CENPN: variants seen among roughly 807,000 people sequenced by gnomAD.
CENPN encodes centromere protein N.
In CENPN, 36 loss-of-function variants were observed where a neutral mutation model predicts 48.6. That is an observed-to-expected ratio of 0.74 (90% CI 0.57 to 0.98). CENPN has a LOEUF of 0.98. Ranked by LOEUF, CENPN falls within the 50% of genes least tolerant of loss-of-function variation. The pLI is 0.00. For synonymous variants in CENPN, 166 were observed against 135.2 expected (o/e 1.23, Z -1.58); for missense variants, 439 against 399.2 (o/e 1.10, Z -0.85).
intron 3 of CENPN, chr16:81,016,946 G>T (rs1486520203): frequency 4.2e-6 from 1 of 239,058 alleles, no homozygotes; most frequent in East Asian, 1.6e-4. Context: ...AAGGAGCTAG[G>T]AGAAGAGGCT....
At chr16:81,026,125 ATG>A (rs1225973247) in intron 8 of CENPN, among the ~76,000 whole-genome samples, 6 of 120,366 alleles carry the variant, frequency 5.0e-5, no homozygotes, top group Admixed American at 9.8e-5. Flanking sequence ...ATGTATATAT[ATG>A]TGTGTATATA....
chr16:81,020,935 C>A (rs1970161163), intron 6 of CENPN, among the ~76,000 whole-genome samples: 1 of 151,656 alleles, frequency 6.6e-6, no homozygotes, highest in South Asian at 2.1e-4. Context: ...ACTAAAAATA[C>A]AAAAAAATTA....
Position 81,028,853 on chromosome 16 carries a change from G to A in CENPN, c.*202G>A. ...TCCTCTCTCTGATATCCTGCTAACT[G>A]TAGCCGTTGTGGCATTTGAGATGAC... On this transcript the variant is annotated 3_prime_UTR_variant, in exon 11 of 11. Transcript: ENST00000305850. 1.5e-6 allele frequency: 2 copies of A among 1,332,860 alleles called. No individual in the cohort carries two copies. Among genetic ancestry groups the A allele is most frequent in the Admixed American group, 3.6e-5 (1 of 27,750 alleles). 82.6% of individuals were successfully genotyped at this position (1,332,860 alleles called of 1,614,324 possible).
intron 2 of CENPN, 60 bp from the exon 3 acceptor site, chr16:81,014,076 T>G (rs970438256): frequency 7.0e-7 from 1 of 1,418,782 alleles, no homozygotes; most frequent in East Asian, 2.3e-5. Context: ...AAATGTGTTT[T>G]AAACGGGATA....
rs373648659 is a variant in CENPN at position 81,031,085 on chromosome 16, C to G, written c.*2434C>G. Reference sequence around the variant, plus strand: ...AAATAAAATAAAATAAATGACATCACTTTGGTTCAGAGCTCTAAAATGGAG... The same window carrying G: ...AAATAAAATAAAATAAATGACATCAGTTTGGTTCAGAGCTCTAAAATGGAG... On this transcript the variant is annotated 3_prime_UTR_variant, in exon 11 of 11. Coordinates refer to ENST00000305850, the MANE Select transcript of CENPN (RefSeq NM_001100624.3). 3 of 151,718 alleles carry G rather than the reference C, an allele frequency of 2.0e-5. No homozygotes were observed. Among genetic ancestry groups the G allele is most frequent in the African/African-American group, 7.3e-5 (3 of 41,282 alleles). 9.4% of individuals were successfully genotyped at this position (151,718 alleles called of 1,614,324 possible).
chr16:81,012,985 TATAA>T (rs2151678447), intron 2 of CENPN, among the ~76,000 whole-genome samples: 1 of 152,372 alleles, frequency 6.6e-6, no homozygotes, highest in East Asian at 1.9e-4. Context: ...AGGAGGTATG[TATAA>T]ATATTGATAA....
chr16:81,026,091 A>ATATATATATG (rs1970462680), intron 8 of CENPN, among the ~76,000 whole-genome samples: 1 of 137,016 alleles, frequency 7.3e-6, no homozygotes, highest in Non-Finnish European at 1.5e-5. Context: ...GTGTGTGTGT[A>ATATATATATG]TATATATGTG....
Position 81,030,530 on chromosome 16 carries a change from C to T in CENPN, c.*1879C>T, listed in dbSNP as rs1034690676. 2.5e-6 allele frequency: 1 copy of T among 400,062 alleles called. No individual in the cohort carries two copies. The highest frequency in any genetic ancestry group is 3.4e-6 in the Non-Finnish European group (1 of 295,048). The allele number at this position is 400,062 out of a possible 1,614,324, so 24.8% of individuals were successfully genotyped here. A position where few individuals can be genotyped will look rare whatever the true frequency, so the allele number is the denominator to read the frequency against. On this transcript the variant is annotated 3_prime_UTR_variant, in exon 11 of 11. Transcript: ENST00000305850. ...TTGGGAAGCCGAGGTGGGCAGATCA[C>T]CCGAGGTCAGGAGTTCGAGACCAGC...
At chr16:81,032,603 A>G (rs1207217329), downstream of CENPN, 6 of 1,612,280 alleles carry the variant, frequency 3.7e-6, no homozygotes, top group East Asian at 4.5e-5. Flanking sequence ...CTGCTCTGCT[A>G]TTCTGGAAGC....
In CENPN at chr16:81,027,803, C is replaced by A. The variant is rs774922075; in HGVS notation, c.811-368C>A. Among the ~76,000 whole-genome samples, 9 of 152,350 alleles carry A rather than the reference C, an allele frequency of 5.9e-5. No individual in the cohort carries two copies. The South Asian group carries it at 6.2e-4, about 11-fold the overall frequency. On this transcript the variant is annotated intron_variant, in intron 9 of 10. Coordinates refer to ENST00000305850, the MANE Select transcript of CENPN (RefSeq NM_001100624.3). ...CACTGCAGCCTCCGCCTCCTGGGTT[C>A]AAGCAATTCTCATGCCTTGGCCTCC...
chr16:81,029,333 A>G lies in CENPN; in HGVS notation c.*682A>G. 8 of 944,378 alleles carry G rather than the reference A, an allele frequency of 8.5e-6. No homozygotes were observed. The highest frequency in any genetic ancestry group is 1.0e-5 in the Non-Finnish European group (8 of 792,586). The allele number at this position is 944,378 out of a possible 1,614,324, so 58.5% of individuals were successfully genotyped here. On this transcript the variant is annotated 3_prime_UTR_variant, in exon 11 of 11. Transcript: ENST00000305850. ...ACTGGCACATCAGTTAATTTTGATCAAAGTACTTCAGTGATCATCACTAAA... is the reference window on the plus strand; with the variant it reads ...ACTGGCACATCAGTTAATTTTGATCGAAGTACTTCAGTGATCATCACTAAA...
In CENPN at chr16:81,028,964, T is replaced by C. The variant is rs189444666; in HGVS notation, c.*313T>C. The stretch of plus-strand genomic sequence containing the variant: ...GCATATGGCACAGCGCTCAAGACTT[T>C]TGGGTTTGTGTCCTTTTTTCTATGG... On this transcript the variant is annotated 3_prime_UTR_variant, in exon 11 of 11. Transcript: ENST00000305850. 112 of 1,027,622 alleles carry C rather than the reference T, an allele frequency of 1.1e-4. 2 individuals are homozygous for C. In the East Asian group the frequency reaches 8.3e-3, roughly 76 times the overall value. 63.7% of individuals were successfully genotyped at this position (1,027,622 alleles called of 1,614,324 possible). A position where few individuals can be genotyped will look rare whatever the true frequency, so the allele number is the denominator to read the frequency against.
Position 81,017,331 on chromosome 16 carries a change from C to G in CENPN, c.223C>G (p.Gln75Glu). 1 of 1,593,338 alleles carries G rather than the reference C, an allele frequency of 6.3e-7. No homozygotes were observed. Among genetic ancestry groups the G allele is most frequent in the East Asian group, 2.2e-5 (1 of 44,688 alleles). Residue 75 changes from glutamine to glutamate, a missense_variant, in exon 4 of 11, where the codon CAA becomes GAA. Transcript: ENST00000305850. The part of the protein sequence containing the change: ...DAALLDIIYM[Q>E]FHQHQKVWEV... The stretch of plus-strand genomic sequence containing the variant: ...AGCTTTCTTCCCTCTCTCAGATATG[C>G]AATTTCATCAGCACCAGAAAGTTTG...
At chr16:81,012,545 AAAT>A (rs1294730776) in intron 2 of CENPN, among the ~76,000 whole-genome samples, 1 of 152,184 alleles carries the variant, frequency 6.6e-6, no homozygotes. Context: ...AATTTAGTTC[AAAT>A]AATTTTCTTA....
chr16:81,012,418 A>T (rs1969780039), intron 2 of CENPN, among the ~76,000 whole-genome samples: 1 of 152,218 alleles, frequency 6.6e-6, no homozygotes, highest in South Asian at 2.1e-4. Flanking sequence ...ATGAAAAGAC[A>T]ACAACACCCA....
At chr16:81,015,156 T>A (rs1486240816) in intron 3 of CENPN, among the ~76,000 whole-genome samples, 1 of 152,252 alleles carries the variant, frequency 6.6e-6, no homozygotes, top group Non-Finnish European at 1.5e-5. Flanking sequence ...TTGTTCCTAT[T>A]ACAGTGTAGC....
intron 8 of CENPN, among the ~76,000 whole-genome samples, chr16:81,026,211 G>GTATA (rs112948200): frequency 6.8e-6 from 1 of 147,392 alleles, no homozygotes; most frequent in South Asian, 2.1e-4. Context: ...ATATGTGTGT[G>GTATA]TATATATATA....
chr16:81,008,250 A>C (rs1018941153), intron 1 of CENPN, among the ~76,000 whole-genome samples: 2 of 152,212 alleles, frequency 1.3e-5, no homozygotes, highest in Non-Finnish European at 2.9e-5. Context: ...GGAATAAATC[A>C]TCTGACGTAC....
chr16:81,026,509 A>G lies in CENPN; in HGVS notation c.698-17A>G. 1 of 1,295,008 alleles carries G rather than the reference A, an allele frequency of 7.7e-7. No individual in the cohort carries two copies. The highest frequency in any genetic ancestry group is 1.1e-6 in the Non-Finnish European group (1 of 904,178). The allele number at this position is 1,295,008 out of a possible 1,614,324, so 80.2% of individuals were successfully genotyped here. On this transcript the variant is annotated splice_polypyrimidine_tract_variant and intron_variant, in intron 8 of 10. Coordinates refer to ENST00000305850, the MANE Select transcript of CENPN (RefSeq NM_001100624.3). ...ATATTCCTAACGGCTGTTTTATTTGAAATCTTCCACCCATAGTGGATTCAA... is the reference window on the plus strand; with the variant it reads ...ATATTCCTAACGGCTGTTTTATTTGGAATCTTCCACCCATAGTGGATTCAA...
Sources: gnomAD v4.1 joint callset for allele counts (sites outside exome capture counted in the v4.1 genomes callset) on GRCh38, gnomAD v4.1.1 for gene constraint, MANE v1.5 for transcripts, NCBI Gene and HGNC (gene_info 2026-07-23, HGNC 2026-07-21) for gene names.